The following ANO3 variants were observed in gnomAD, a reference collection of about 807,000 sequenced individuals.
The protein encoded by ANO3 is anoctamin-3.
ANO3 carries 99 observed loss-of-function variants against 144.8 expected under a neutral mutation model. The ratio of observed to expected loss-of-function variants is 0.68; its 90% CI spans 0.58 to 0.81. The LOEUF (loss-of-function observed/expected upper bound fraction) is 0.81. Ranked by LOEUF, ANO3 falls within the 30% of genes least tolerant of loss-of-function variation. The probability of loss-of-function intolerance (pLI) is 0.00; values close to 1 mark genes in which losing one functional copy is unlikely to be tolerated. For synonymous variants in ANO3, 414 were observed against 392.6 expected (o/e 1.05, Z -0.64); for missense variants, 905 against 1,202.2 (o/e 0.75, Z 3.66).
chr11:26,291,860 C>CTT (rs1484026534), intron 1 of ANO3, among the ~76,000 whole-genome samples: 2 of 152,130 alleles, frequency 1.3e-5, no homozygotes, highest in East Asian at 3.9e-4. Flanking sequence ...TTCATTTCAA[C>CTT]CTTGGTGAAT....
chr11:26,525,813 A>G (rs1849148345), intron 7 of ANO3, 134 bp downstream of exon 7: 2 of 614,596 alleles, frequency 3.3e-6, no homozygotes, highest in Non-Finnish European at 2.8e-6. Context: ...AGATATTTCC[A>G]AAATAACTTA....
intron 3 of ANO3, among the ~76,000 whole-genome samples, chr11:26,449,341 C>T (rs1858826893): frequency 6.6e-6 from 1 of 152,160 alleles, no homozygotes; most frequent in East Asian, 1.9e-4. Flanking sequence ...CAGAAACTGT[C>T]AATCTTGCTG....
intron 1 of ANO3, among the ~76,000 whole-genome samples, chr11:26,289,744 A>C (rs1025059438): frequency 3.4e-5 from 5 of 147,002 alleles, no homozygotes; most frequent in East Asian, 2.0e-4. Flanking sequence ...ATGTGTATAT[A>C]TATTCTATAT....
intron 17 of ANO3, among the ~76,000 whole-genome samples, chr11:26,613,126 A>G (rs995185702): frequency 5.3e-5 from 8 of 152,290 alleles, no homozygotes; most frequent in African/African-American, 1.9e-4. Flanking sequence ...TAATAATCCT[A>G]TAATGGGAAC....
chr11:26,575,105 T>G (rs1330626491), intron 14 of ANO3, among the ~76,000 whole-genome samples: 1 of 152,028 alleles, frequency 6.6e-6, no homozygotes, highest in Non-Finnish European at 1.5e-5. Context: ...GTTTTCTTAG[T>G]AAACATTTTG....
chr11:26,198,380 TC>T (rs1851629901), intron 1 of ANO3, among the ~76,000 whole-genome samples: 1 of 152,144 alleles, frequency 6.6e-6, no homozygotes, highest in African/African-American at 2.4e-5. Context: ...TGTTTGTAAC[TC>T]CGGAATGGTC....
chr11:26,317,838 G>A (rs907368972), intron 1 of ANO3, among the ~76,000 whole-genome samples: 7 of 152,174 alleles, frequency 4.6e-5, no homozygotes, highest in Admixed American at 2.6e-4. Flanking sequence ...GTTCACAATA[G>A]CAAAGACTTG....
intron 1 of ANO3, among the ~76,000 whole-genome samples, chr11:26,279,427 T>A (rs573726831): frequency 6.6e-6 from 1 of 152,260 alleles, no homozygotes; most frequent in Admixed American, 6.5e-5. Flanking sequence ...TGTAAAGAAC[T>A]TTGCAAATCA....
At chr11:26,521,988 T>C (rs540462983) in intron 6 of ANO3, among the ~76,000 whole-genome samples, 5 of 152,212 alleles carry the variant, frequency 3.3e-5, no homozygotes, top group East Asian at 1.9e-4. Context: ...ATGGAGACCA[T>C]CCTGGCTAAC....
At position 26,534,542 on chromosome 11, in the gene ANO3, A is replaced by G; in HGVS notation, c.956A>G (p.Glu319Gly). Reference protein sequence around the residue: ...VYHMLERTKYENGISKVGIRK... With the variant: ...VYHMLERTKYGNGISKVGIRK... The stretch of plus-strand genomic sequence containing the variant: ...CACATGCTGGAACGCACCAAATATG[A>G]AAATGGAATATCAAAAGTGGGTAAG... The change falls in exon 9 of 27, where the codon GAA (glutamate) becomes GGA (glycine). Residue 319 changes from glutamate to glycine, a missense_variant. Coordinates refer to ENST00000256737, the MANE Select transcript of ANO3 (RefSeq NM_031418.4). 1.2e-6 allele frequency: 2 copies of G among 1,611,690 alleles called. No homozygotes were observed. Among genetic ancestry groups the G allele is most frequent in the Non-Finnish European group, 1.7e-6 (2 of 1,178,218 alleles).
At chr11:26,461,054 C>T (rs1859375156) in intron 3 of ANO3, among the ~76,000 whole-genome samples, 3 of 151,762 alleles carry the variant, frequency 2.0e-5, no homozygotes, top group Admixed American at 6.6e-5. Context: ...TCTCTAATAA[C>T]CAATGGTGAA....
chr11:26,335,460 G>T (rs1276490785), intron 1 of ANO3, among the ~76,000 whole-genome samples: 2 of 152,042 alleles, frequency 1.3e-5, no homozygotes, highest in Non-Finnish European at 2.9e-5. Flanking sequence ...GAAAACAGTG[G>T]ACTCCAGACC....
chr11:26,394,570 CTTTTTTT>C (rs56118844), intron 1 of ANO3, among the ~76,000 whole-genome samples: 11 of 115,736 alleles, frequency 9.5e-5, no homozygotes, highest in South Asian at 2.8e-4. Flanking sequence ...ATTTCATTTT[CTTTTTTT>C]TTTTTTTTTT....
At chr11:26,578,678 C>G (rs1851053343) in intron 14 of ANO3, among the ~76,000 whole-genome samples, 1 of 152,136 alleles carries the variant, frequency 6.6e-6, no homozygotes, top group African/African-American at 2.4e-5. Flanking sequence ...TTATATTAGT[C>G]TCGATAGACC....
chr11:26,439,815 A>T (rs1858448536), intron 1 of ANO3, among the ~76,000 whole-genome samples: 1 of 152,230 alleles, frequency 6.6e-6, no homozygotes, highest in African/African-American at 2.4e-5. Flanking sequence ...AACTGATAAC[A>T]TTCATTTCAT....
intron 1 of ANO3, among the ~76,000 whole-genome samples, chr11:26,375,582 A>G (rs111883093): frequency 7.3e-4 from 111 of 152,358 alleles, no homozygotes; most frequent in African/African-American, 2.5e-3. Context: ...GAGATTCAGC[A>G]GAATTTTCTC....
At chr11:26,208,364 A>G (rs1851859037) in intron 1 of ANO3, 1 of 152,218 alleles carries the variant, frequency 6.6e-6, no homozygotes, top group Admixed American at 6.6e-5. Flanking sequence ...TACAAAAAAA[A>G]TAGCCGGGCG....
intron 1 of ANO3, among the ~76,000 whole-genome samples, chr11:26,404,517 A>C (rs574883547): frequency 5.9e-4 from 89 of 151,946 alleles, no homozygotes; most frequent in Non-Finnish European, 1.0e-3. Flanking sequence ...AAGAGTATTG[A>C]AAAGATTAGA....
chr11:26,216,194 G>A (rs1476427488), intron 1 of ANO3, among the ~76,000 whole-genome samples: 1 of 151,924 alleles, frequency 6.6e-6, no homozygotes. Context: ...TATTAGGGTT[G>A]CCTCTTTGTG....
Sources: allele counts gnomAD v4.1 joint callset (sites outside exome capture counted in the v4.1 genomes callset), GRCh38; gene constraint gnomAD v4.1.1; transcripts MANE v1.5; gene names NCBI Gene and HGNC (gene_info 2026-07-23, HGNC 2026-07-21).